PARD3: variants seen among roughly 807,000 people sequenced by gnomAD.
PARD3 encodes the protein par-3 family cell polarity regulator, also known as partitioning defective 3 homolog.
In PARD3, 75 loss-of-function variants were observed where a neutral mutation model predicts 155.4. That is an observed-to-expected ratio of 0.48 (90% confidence interval 0.40 to 0.58). The LOEUF (loss-of-function observed/expected upper bound fraction) is 0.58. PARD3 is among the 20% of genes least tolerant of loss of function. The probability of loss-of-function intolerance (pLI) is 0.00; values close to 1 mark genes in which losing one functional copy is unlikely to be tolerated. For synonymous variants in PARD3, 576 were observed against 610.5 expected (o/e 0.94, Z 0.83); for missense variants, 1,642 against 1,721.7 (o/e 0.95, Z 0.82).
At chr10:34,350,638 G>GC (rs1438836679) in intron 14 of PARD3, among the ~76,000 whole-genome samples, 1 of 148,966 alleles carries the variant, frequency 6.7e-6, no homozygotes, top group African/African-American at 2.6e-5. Flanking sequence ...CTTGGCGGGG[G>GC]GGGAGGGGGG....
At chr10:34,436,365 G>A (rs1208373272) in intron 5 of PARD3, among the ~76,000 whole-genome samples, 1 of 152,200 alleles carries the variant, frequency 6.6e-6, no homozygotes, top group Non-Finnish European at 1.5e-5. Context: ...ACAGCCTTCT[G>A]CTTTAGAGAA....
intron 2 of PARD3, among the ~76,000 whole-genome samples, chr10:34,530,125 G>T (rs1004978348): frequency 6.6e-6 from 1 of 152,162 alleles, no homozygotes; most frequent in Non-Finnish European, 1.5e-5. Flanking sequence ...GGAGGGGTTG[G>T]TCTTGCTGTC....
At chr10:34,350,952 T>C (rs1364431405) in intron 14 of PARD3, among the ~76,000 whole-genome samples, 1 of 152,196 alleles carries the variant, frequency 6.6e-6, no homozygotes, top group Admixed American at 6.5e-5. Flanking sequence ...AAAAATCTTA[T>C]TTTTAACTCT....
intron 2 of PARD3, among the ~76,000 whole-genome samples, chr10:34,547,520 T>C (rs1030919308): frequency 6.6e-6 from 1 of 152,230 alleles, no homozygotes; most frequent in Non-Finnish European, 1.5e-5. Flanking sequence ...TTTATTACGT[T>C]GAGTTATACA....
chr10:34,742,291 G>A (rs1424875383), intron 1 of PARD3, among the ~76,000 whole-genome samples: 1 of 152,184 alleles, frequency 6.6e-6, no homozygotes, highest in African/African-American at 2.4e-5. Context: ...AATGTAAGGG[G>A]GGGACCAAAA....
intron 2 of PARD3, among the ~76,000 whole-genome samples, chr10:34,637,910 T>G (rs954857309): frequency 1.4e-4 from 22 of 152,350 alleles, no homozygotes; most frequent in African/African-American, 5.3e-4. Context: ...CAAGCATGTT[T>G]ACACAGTACT....
At chr10:34,725,847 C>T (rs1398775014) in intron 1 of PARD3, among the ~76,000 whole-genome samples, 2 of 152,214 alleles carry the variant, frequency 1.3e-5, no homozygotes, top group African/African-American at 4.8e-5. Context: ...TACTTTACTA[C>T]ACCTAAAACA....
chr10:34,706,123 C>G (rs2094358445), intron 1 of PARD3, among the ~76,000 whole-genome samples: 1 of 152,018 alleles, frequency 6.6e-6, no homozygotes, highest in African/African-American at 2.4e-5. Flanking sequence ...AAGAATGAGA[C>G]AGCAGTAACC....
At chr10:34,404,496 G>A (rs1044158023) in intron 5 of PARD3, among the ~76,000 whole-genome samples, 9 of 152,086 alleles carry the variant, frequency 5.9e-5, no homozygotes, top group Admixed American at 3.3e-4. Flanking sequence ...GTGAGATCCC[G>A]CCTCTATTTT....
At chr10:34,767,432 C>G (rs1838239599) in intron 1 of PARD3, among the ~76,000 whole-genome samples, 1 of 151,728 alleles carries the variant, frequency 6.6e-6, no homozygotes, top group Admixed American at 6.6e-5. Flanking sequence ...GGTGCACATC[C>G]TATTAACTGG....
chr10:34,344,402 C>A (rs916642320), intron 15 of PARD3: 6 of 584,800 alleles, frequency 1.0e-5, no homozygotes, highest in Non-Finnish European at 2.2e-6. Context: ...CCTGCCTCAG[C>A]CTCCCCAGTA....
chr10:34,625,771 C>T (rs764227497), intron 2 of PARD3, among the ~76,000 whole-genome samples: 3 of 152,046 alleles, frequency 2.0e-5, no homozygotes, highest in African/African-American at 4.8e-5. Context: ...ATTAGCCAGG[C>T]GTGATGGCGC....
At chr10:34,613,334 C>G (rs192013231) in intron 2 of PARD3, among the ~76,000 whole-genome samples, 1 of 152,270 alleles carries the variant, frequency 6.6e-6, no homozygotes, top group African/African-American at 2.4e-5. Context: ...TTTCTTAGGG[C>G]TTGCTAGTGA....
intron 20 of PARD3, among the ~76,000 whole-genome samples, chr10:34,286,331 T>C (rs1358865279): frequency 6.6e-6 from 1 of 152,176 alleles, no homozygotes; most frequent in Admixed American, 6.5e-5. Flanking sequence ...TCAACTGCCA[T>C]AGAGCTTCTA....
At chr10:34,586,620 T>C (rs1590121549) in intron 2 of PARD3, among the ~76,000 whole-genome samples, 1 of 152,210 alleles carries the variant, frequency 6.6e-6, no homozygotes, top group East Asian at 1.9e-4. Flanking sequence ...TCTAGCCATA[T>C]TTGAAAAATA....
chr10:34,203,186 G>C (rs1306452671), intron 22 of PARD3, among the ~76,000 whole-genome samples: 1 of 152,206 alleles, frequency 6.6e-6, no homozygotes, highest in African/African-American at 2.4e-5. Context: ...GAGAGAGAGA[G>C]AGCTCTGTTT....
chr10:34,799,748 T>C (rs918134213), intron 1 of PARD3, among the ~76,000 whole-genome samples: 16 of 151,398 alleles, frequency 1.1e-4, no homozygotes, highest in Admixed American at 7.9e-4. Flanking sequence ...CCCAGCACTT[T>C]GGGGAGCCAA....
intron 5 of PARD3, among the ~76,000 whole-genome samples, chr10:34,408,585 T>A (rs1844733246): frequency 6.6e-6 from 1 of 152,132 alleles, no homozygotes; most frequent in South Asian, 2.1e-4. Flanking sequence ...CGTGTTAATG[T>A]CCCAACTACT....
At chr10:34,225,302 G>A (rs1356539372) in intron 22 of PARD3, among the ~76,000 whole-genome samples, 1 of 151,936 alleles carries the variant, frequency 6.6e-6, no homozygotes, top group Non-Finnish European at 1.5e-5. Flanking sequence ...ATGGGTTCCA[G>A]AGGACAAATG....
Sources: gnomAD v4.1 joint callset for allele counts (sites outside exome capture counted in the v4.1 genomes callset) on GRCh38, gnomAD v4.1.1 for gene constraint, MANE v1.5 for transcripts, NCBI Gene and HGNC (gene_info 2026-07-23, HGNC 2026-07-21) for gene names.